The following CPAMD8 variants were observed in gnomAD, a reference collection of about 807,000 sequenced individuals.
The protein encoded by CPAMD8 is C3 and PZP-like alpha-2-macroglobulin domain-containing protein 8.
A neutral mutation model predicts 224.7 loss-of-function variants in CPAMD8; 146 were observed. The observed-to-expected ratio is 0.65, with a 90% CI of 0.57 to 0.75. CPAMD8 has a LOEUF of 0.75. Ranked by LOEUF, CPAMD8 falls within the 30% of genes least tolerant of loss-of-function variation. The pLI is 0.00. For synonymous variants in CPAMD8, 966 were observed against 1,044.6 expected (o/e 0.92, Z 1.45); for missense variants, 2,301 against 2,537.5 (o/e 0.91, Z 2.00).
intron 26 of CPAMD8, 94 bp from the exon 27 acceptor site, chr19:16,922,080 G>C (rs1250439924): frequency 1.3e-6 from 1 of 783,158 alleles, no homozygotes; most frequent in East Asian, 2.7e-5. Flanking sequence ...CCCTACCCCG[G>C]ATCTCCGAAG....
At chr19:16,902,568 T>C (rs2052303167) in intron 35 of CPAMD8, 81 bp downstream of exon 35, 3 of 808,020 alleles carry the variant, frequency 3.7e-6, no homozygotes, top group Non-Finnish European at 6.1e-6. Context: ...AGCCGGAAGC[T>C]CCTCCTGGTC....
At chr19:16,961,171 G>A (rs2054640219) in intron 18 of CPAMD8, among the ~76,000 whole-genome samples, 1 of 152,230 alleles carries the variant, frequency 6.6e-6, no homozygotes, top group Non-Finnish European at 1.5e-5. Context: ...GTTGGACAGT[G>A]GGTACAGCCC....
At chr19:16,940,319 T>C (rs1222475897) in intron 22 of CPAMD8, among the ~76,000 whole-genome samples, 1 of 151,954 alleles carries the variant, frequency 6.6e-6, no homozygotes, top group Non-Finnish European at 1.5e-5. Flanking sequence ...TGTGTGGGAG[T>C]GTGTTTATAT....
intron 20 of CPAMD8, among the ~76,000 whole-genome samples, chr19:16,949,054 G>A (rs554414847): frequency 1.4e-5 from 2 of 138,836 alleles, no homozygotes; most frequent in Non-Finnish European, 3.1e-5. Flanking sequence ...GGACGGGAGG[G>A]GGGGAGGGAG....
At chr19:16,981,247 G>A (rs776477945) in intron 13 of CPAMD8, among the ~76,000 whole-genome samples, 2 of 152,036 alleles carry the variant, frequency 1.3e-5, no homozygotes, top group African/African-American at 2.4e-5. Context: ...TGTAGTCCCC[G>A]CTACTCAGGG....
At chr19:17,022,887 T>G (rs115003812) in intron 1 of CPAMD8, among the ~76,000 whole-genome samples, 3,154 of 151,946 alleles carry the variant, frequency 0.021, 112 homozygotes, top group African/African-American at 0.072. Flanking sequence ...TCCCACTTCA[T>G]CCTCACGGTG....
At chr19:17,004,545 C>T (rs935977650) in intron 7 of CPAMD8, among the ~76,000 whole-genome samples, 159 bp from the exon 8 acceptor site, 40 of 151,958 alleles carry the variant, frequency 2.6e-4, no homozygotes, top group African/African-American at 9.7e-4. Context: ...CAGAGCAGCA[C>T]CCTGTAGGAT....
At chr19:16,969,713 C>T (rs970407349) in intron 18 of CPAMD8, among the ~76,000 whole-genome samples, 1 of 151,580 alleles carries the variant, frequency 6.6e-6, no homozygotes, top group East Asian at 1.9e-4. Flanking sequence ...AATCCTGTCT[C>T]TACTAAAAAT....
chr19:16,999,355 T>C (rs7252036), intron 10 of CPAMD8, among the ~76,000 whole-genome samples: 126,104 of 151,888 alleles, frequency 0.83, 52,595 homozygotes, highest in African/African-American at 0.89. Context: ...CCGAGGCAGG[T>C]GGATCACGAC....
intron 3 of CPAMD8, among the ~76,000 whole-genome samples, chr19:17,018,808 C>T (rs1486002181): frequency 6.7e-6 from 1 of 149,748 alleles, no homozygotes; most frequent in East Asian, 2.0e-4. Context: ...ACTTGGGAGG[C>T]TGGGGCACGA....
intron 30 of CPAMD8, among the ~76,000 whole-genome samples, chr19:16,906,378 CTT>C (rs61570620): frequency 4.2e-5 from 3 of 71,664 alleles, no homozygotes; most frequent in African/African-American, 9.1e-5. Context: ...TTCTTTCTTT[CTT>C]TCTTTCTTTC....
At position 17,011,838 on chromosome 19, in the gene CPAMD8, G is replaced by A. The variant is rs73928423; in HGVS notation, c.268-81C>T. ...TACTGGGGAAGGAGTTTGGAGGCCT[G>A]GAACAGGGGGAACTCACCCCAGGAG... On this transcript the variant is annotated intron_variant, in intron 3 of 41. Coordinates refer to ENST00000443236, the MANE Select transcript of CPAMD8 (RefSeq NM_015692.5). The A allele has an allele frequency of 0.06, 87,188 of 1,461,298 alleles. 2,933 individuals are homozygous for A. The highest frequency in any genetic ancestry group is 0.14 in the Middle Eastern group (766 of 5,510). 90.5% of individuals were successfully genotyped at this position (1,461,298 alleles called of 1,614,324 possible).
intron 18 of CPAMD8, among the ~76,000 whole-genome samples, chr19:16,961,050 AG>A (rs2054636037): frequency 6.6e-6 from 1 of 152,082 alleles, no homozygotes; most frequent in African/African-American, 2.4e-5. Context: ...GGCTATTCCA[AG>A]ATGGCCAAAT....
At chr19:16,972,801 C>T (rs2055111223) in intron 17 of CPAMD8, among the ~76,000 whole-genome samples, 1 of 152,072 alleles carries the variant, frequency 6.6e-6, no homozygotes, top group Admixed American at 6.6e-5. Flanking sequence ...CAGAAGGGAC[C>T]TGGAGTTCAA....
At chr19:16,908,449 T>G (rs918072681) in intron 29 of CPAMD8, among the ~76,000 whole-genome samples, 87 of 151,690 alleles carry the variant, frequency 5.7e-4, no homozygotes, top group African/African-American at 2.1e-3. Flanking sequence ...CCTGGTCACC[T>G]CCTTAGAGAA....
At chr19:16,986,539 A>T (rs2055727615) in intron 13 of CPAMD8, among the ~76,000 whole-genome samples, 1 of 152,104 alleles carries the variant, frequency 6.6e-6, no homozygotes, top group Non-Finnish European at 1.5e-5. Flanking sequence ...GCTGGGCATG[A>T]TCCTGTCTGA....
Position 16,904,497 on chromosome 19 carries a change from G to A in CPAMD8, c.4083C>T (p.Phe1361=). 1 of 1,614,146 alleles carries A rather than the reference G, an allele frequency of 6.2e-7. No individual in the cohort carries two copies. The highest frequency in any genetic ancestry group is 1.1e-5 in the South Asian group (1 of 91,086). The part of the protein sequence containing the change: ...SNSWDVDKGT[F]LSFSDRVSQS... ...GAGAGACCCTGTCACTGAAGCTCAAGAATGTGCCCTTGTCCACGTCCCAGG... is the reference window on the plus strand; with the variant it reads ...GAGAGACCCTGTCACTGAAGCTCAAAAATGTGCCCTTGTCCACGTCCCAGG... The change falls in exon 31 of 42, where the codon TTC becomes TTT. Residue 1361 remains phenylalanine (F), a synonymous_variant. Transcript: ENST00000443236.
intron 23 of CPAMD8, among the ~76,000 whole-genome samples, chr19:16,933,160 T>G (rs1411107651): frequency 6.6e-6 from 1 of 152,112 alleles, no homozygotes; most frequent in African/African-American, 2.4e-5. Flanking sequence ...AAACATAAAC[T>G]TTGATGCATA....
chr19:16,929,119 A>G lies in CPAMD8; in HGVS notation c.2967T>C (p.Ser989=), dbSNP rs1265036578. 1.9e-6 allele frequency: 3 copies of G among 1,613,948 alleles called. No individual in the cohort carries two copies. The highest frequency in any genetic ancestry group is 1.7e-5 in the Admixed American group (1 of 60,000). Residue 989 remains serine, a synonymous_variant, in exon 24 of 42, where the codon TCT becomes TCC. Transcript: ENST00000443236. ...TCATGCCTGCTGTGTCCTGGGGCCC[A>G]GAAGACAAGGCCACACGGGCATCAT... ...AHNDARVALS[S]GPQDTAGMIE...
Sources: gnomAD v4.1 joint callset for allele counts (sites outside exome capture counted in the v4.1 genomes callset) on GRCh38, gnomAD v4.1.1 for gene constraint, MANE v1.5 for transcripts, NCBI Gene and HGNC (gene_info 2026-07-23, HGNC 2026-07-21) for gene names.